The following WWOX variants were observed in gnomAD, a reference collection of about 807,000 sequenced individuals.
WWOX encodes WW domain-containing oxidoreductase.
A neutral mutation model predicts 46.2 loss-of-function variants in WWOX; 69 were observed. The observed-to-expected ratio is 1.49, with a 90% CI of 1.23 to 1.82. WWOX has a LOEUF of 1.82. Ranked by LOEUF, WWOX falls within the 40% of genes most tolerant of loss-of-function variation. WWOX has a pLI of 0.00. For synonymous variants in WWOX, 359 were observed against 202.6 expected (o/e 1.77, Z -6.56); for missense variants, 919 against 542.6 (o/e 1.69, Z -6.89).
intron 8 of WWOX, chr16:79,203,017 C>T (rs2051393179): frequency 6.6e-6 from 1 of 152,176 alleles, no homozygotes; most frequent in Admixed American, 6.5e-5. Context: ...CTATTGGCAT[C>T]AAGTGCTTTA....
chr16:78,243,322 T>A (rs1032984129), intron 5 of WWOX, among the ~76,000 whole-genome samples: 33 of 152,230 alleles, frequency 2.2e-4, no homozygotes, highest in Non-Finnish European at 5.9e-5. Context: ...TGATGTGATA[T>A]GCAAACATCT....
intron 8 of WWOX, among the ~76,000 whole-genome samples, chr16:78,877,364 G>T (rs2044255300): frequency 6.6e-6 from 1 of 151,106 alleles, no homozygotes; most frequent in African/African-American, 2.4e-5. Flanking sequence ...CCTCAGACAT[G>T]CCAGGTGTGT....
chr16:79,090,772 A>G (rs775481231), intron 8 of WWOX, among the ~76,000 whole-genome samples: 4 of 152,158 alleles, frequency 2.6e-5, no homozygotes, highest in Non-Finnish European at 5.9e-5. Context: ...AGGCTTGGCC[A>G]TGCCCTGCCT....
At chr16:79,015,662 C>G (rs1009164054) in intron 8 of WWOX, among the ~76,000 whole-genome samples, 3 of 152,202 alleles carry the variant, frequency 2.0e-5, no homozygotes, top group African/African-American at 7.2e-5. Flanking sequence ...TCCCTAGTCC[C>G]TGTCTCCGTA....
chr16:78,530,554 G>T (rs572014593), intron 8 of WWOX, among the ~76,000 whole-genome samples: 2 of 152,134 alleles, frequency 1.3e-5, no homozygotes, highest in African/African-American at 4.8e-5. Flanking sequence ...ATGTGCCAGC[G>T]GAGCCTGGGG....
intron 8 of WWOX, among the ~76,000 whole-genome samples, chr16:78,955,496 C>T (rs890823408): frequency 3.3e-5 from 5 of 152,008 alleles, no homozygotes; most frequent in Admixed American, 1.3e-4. Flanking sequence ...TAGGATGGCG[C>T]GAAGTTCACC....
chr16:78,235,575 C>T (rs370625596), intron 5 of WWOX, among the ~76,000 whole-genome samples: 2 of 152,206 alleles, frequency 1.3e-5, no homozygotes, highest in African/African-American at 4.8e-5. Context: ...CGTGGCTTCA[C>T]TGGTTTCTAA....
chr16:79,061,582 C>A (rs1417338212), intron 8 of WWOX, among the ~76,000 whole-genome samples: 1 of 152,180 alleles, frequency 6.6e-6, no homozygotes, highest in Admixed American at 6.5e-5. Flanking sequence ...CTCAGAGACA[C>A]TGGGACAGAG....
intron 8 of WWOX, among the ~76,000 whole-genome samples, chr16:78,467,978 C>A (rs1244266124): frequency 1.3e-5 from 2 of 152,082 alleles, no homozygotes; most frequent in African/African-American, 4.8e-5. Flanking sequence ...GACAAATGGG[C>A]AATCTTGGGG....
chr16:78,678,869 G>C (rs897445325), intron 8 of WWOX, among the ~76,000 whole-genome samples: 1 of 152,122 alleles, frequency 6.6e-6, no homozygotes, highest in Non-Finnish European at 1.5e-5. Context: ...AGTTTACTCT[G>C]GAGACGACTG....
intron 8 of WWOX, among the ~76,000 whole-genome samples, chr16:78,990,199 AAAAG>A (rs1295329066): frequency 7.9e-5 from 12 of 151,126 alleles, no homozygotes; most frequent in African/African-American, 1.7e-4. Flanking sequence ...AAAAAAAAAA[AAAAG>A]AGAGAGAGGT....
intron 8 of WWOX, among the ~76,000 whole-genome samples, chr16:78,850,414 G>T (rs923725277): frequency 6.6e-6 from 1 of 152,128 alleles, no homozygotes; most frequent in Non-Finnish European, 1.5e-5. Flanking sequence ...GATTATTAAT[G>T]TCAAATATCA....
chr16:79,117,643 A>T (rs2049543670), intron 8 of WWOX, among the ~76,000 whole-genome samples: 1 of 152,236 alleles, frequency 6.6e-6, no homozygotes, highest in Admixed American at 6.5e-5. Flanking sequence ...TTTTGTCTAC[A>T]TTGAAAATCT....
chr16:78,162,323 A>G (rs66812823), intron 4 of WWOX, among the ~76,000 whole-genome samples: 12,859 of 152,042 alleles, frequency 0.085, 653 homozygotes, highest in Non-Finnish European at 0.12. Context: ...GTCTCTAACT[A>G]CTTCTAAAAC....
chr16:78,898,683 A>T (rs954636788), intron 8 of WWOX: 1 of 152,078 alleles, frequency 6.6e-6, no homozygotes, highest in African/African-American at 2.4e-5. Flanking sequence ...TTTGGTATTG[A>T]ATCTCTTGAT....
intron 8 of WWOX, among the ~76,000 whole-genome samples, chr16:78,437,297 G>A (rs937430862): frequency 6.6e-6 from 1 of 152,072 alleles, no homozygotes; most frequent in Non-Finnish European, 1.5e-5. Flanking sequence ...TCATGGAGTC[G>A]GGCTATTTTA....
intron 5 of WWOX, among the ~76,000 whole-genome samples, chr16:78,184,327 G>C (rs956130120): frequency 1.3e-5 from 2 of 152,116 alleles, no homozygotes; most frequent in African/African-American, 4.8e-5. Context: ...GGGACAGACT[G>C]TAGCGATTCG....
intron 8 of WWOX, among the ~76,000 whole-genome samples, chr16:78,640,686 C>A (rs1018017578): frequency 6.6e-6 from 1 of 152,088 alleles, no homozygotes; most frequent in African/African-American, 2.4e-5. Flanking sequence ...CGCCTGTAAT[C>A]CTAACATTTT....
intron 4 of WWOX, among the ~76,000 whole-genome samples, chr16:78,121,647 C>G (rs2033098724): frequency 6.6e-6 from 1 of 151,558 alleles, no homozygotes; most frequent in Admixed American, 6.6e-5. Flanking sequence ...AGTAGTCCCC[C>G]CTTATCCGTG....
Sources: gnomAD v4.1 joint callset for allele counts (sites outside exome capture counted in the v4.1 genomes callset) on GRCh38, gnomAD v4.1.1 for gene constraint, MANE v1.5 for transcripts, NCBI Gene and HGNC (gene_info 2026-07-23, HGNC 2026-07-21) for gene names.